The following RSPO1 variants were observed in gnomAD, a reference collection of about 807,000 sequenced individuals.
RSPO1 encodes the protein R-spondin-1.
RSPO1 carries 18 observed loss-of-function variants against 26.0 expected under a neutral mutation model. The observed-to-expected ratio is 0.69, with a 90% CI of 0.48 to 1.03. RSPO1 has a LOEUF of 1.03. RSPO1 is among the 50% of genes least tolerant of loss of function. RSPO1 has a pLI of 0.00. For synonymous variants in RSPO1, 133 were observed against 137.4 expected, an observed-to-expected ratio of 0.97 and a Z score of 0.22; for missense variants, 309 against 352.3, an observed-to-expected ratio of 0.88 and a Z score of 0.98.
chr1:37,621,374 G>A (rs112998422), intron 3 of RSPO1, among the ~76,000 whole-genome samples: 11,439 of 152,200 alleles, frequency 0.075, 506 homozygotes, highest in East Asian at 0.15. Context: ...TGGATTTTCC[G>A]AGGGCAAGAG....
intron 2 of RSPO1, among the ~76,000 whole-genome samples, chr1:37,630,279 C>T (rs1644338640): frequency 6.6e-6 from 1 of 152,186 alleles, no homozygotes; most frequent in Admixed American, 6.5e-5. Flanking sequence ...CTTAAGTCTA[C>T]CCTACAGACC....
In RSPO1 at chr1:37,613,855, G is replaced by A. The variant is rs779952336; in HGVS notation, c.474C>T (p.Pro158=). Residue 158 remains proline, a synonymous_variant, in exon 6 of 7, where the codon CCC becomes CCT. Coordinates refer to ENST00000356545, the MANE Select transcript of RSPO1 (RefSeq NM_001242908.2). This position sits in a 1 kb window ranked among gnomAD's most constrained non-coding sequence, Gnocchi z 4.5. The part of the protein sequence containing the change: ...CEMSEWSPWG[P]CSKKQQLCGF... Reference sequence around the variant, plus strand: ...CACAGAGCTGCTGCTTCTTGGAGCAGGGCCCCCACGGAGACCACTCGCTCA... The same window carrying A: ...CACAGAGCTGCTGCTTCTTGGAGCAAGGCCCCCACGGAGACCACTCGCTCA... 6.2e-7 allele frequency: 1 copy of A among 1,614,108 alleles called. No individual in the cohort carries two copies. The highest frequency in any genetic ancestry group is 1.7e-5 in the Admixed American group (1 of 60,030).
chr1:37,626,740 C>G (rs1443294843), intron 3 of RSPO1, among the ~76,000 whole-genome samples: 3 of 151,854 alleles, frequency 2.0e-5, no homozygotes, highest in Non-Finnish European at 4.4e-5. Flanking sequence ...AGTCAGGGCT[C>G]AATGAAGGAA....
intron 2 of RSPO1, among the ~76,000 whole-genome samples, chr1:37,631,104 C>G (rs1182605707): frequency 1.3e-5 from 2 of 152,140 alleles, no homozygotes; most frequent in African/African-American, 4.8e-5. Flanking sequence ...AATCCTTTCC[C>G]CTCTAGGCTC....
Position 37,629,615 on chromosome 1 carries a change from T to C in RSPO1, c.47A>G (p.His16Arg), listed in dbSNP as rs754575524. 6.2e-7 allele frequency: 1 copy of C among 1,614,088 alleles called. No homozygotes were observed. Among genetic ancestry groups the C allele is most frequent in the Non-Finnish European group, 8.5e-7 (1 of 1,180,022 alleles). The change falls in exon 3 of 7, where the codon CAC becomes CGC. Residue 16 changes from histidine (H) to arginine (R), a missense_variant. Coordinates refer to ENST00000356545, the MANE Select transcript of RSPO1 (RefSeq NM_001242908.2). Reference sequence around the variant, plus strand: ...GATCCCCCGGCTGCTGATGGTGAGGTGCGTCCAGCTCAGAACCAGGGCCAC... The same window carrying C: ...GATCCCCCGGCTGCTGATGGTGAGGCGCGTCCAGCTCAGAACCAGGGCCAC... ...CVVALVLSWT[H>R]LTISSRGIKG...
Position 37,612,737 on chromosome 1 carries a change from G to A in RSPO1, c.*18C>T. 3 of 1,607,798 alleles carry A rather than the reference G, an allele frequency of 1.9e-6. No individual in the cohort carries two copies. Among genetic ancestry groups the A allele is most frequent in the Non-Finnish European group, 2.5e-6 (3 of 1,179,768 alleles). On this transcript the variant is annotated 3_prime_UTR_variant, in exon 7 of 7. Transcript: ENST00000356545. ...CACTGAACTCTTTCTGCATGGGCCT[G>A]GAGGCTGGACAGTGTCCCTAGGCAG... is the stretch of plus-strand genomic sequence containing the variant.
rs1308031977 is a variant in RSPO1 at position 37,617,688 on chromosome 1, A to AG, written c.95-1014_95-1013insC. 2.9e-3 allele frequency among the ~76,000 whole-genome samples: 402 copies of AG among 136,420 alleles called. 21 individuals carry two copies. The highest frequency in any genetic ancestry group is 5.8e-3 in the East Asian group (26 of 4,472). 89.5% of individuals were successfully genotyped at this position (136,420 alleles called of 152,430 possible). A position where few individuals can be genotyped will look rare whatever the true frequency, so the allele number is the denominator to read the frequency against. Reference sequence around the variant, plus strand: ...AAAAAAAAAAAAAAAAAAAAAAAAAAAGAGAGAACCATCTTTTGAGGCTTC... The same window carrying AG: ...AAAAAAAAAAAAAAAAAAAAAAAAAAGAGAGAGAACCATCTTTTGAGGCTTC... On this transcript the variant is annotated intron_variant, in intron 3 of 6. Transcript: ENST00000356545.
At chr1:37,627,775 A>G (rs765382855) in intron 3 of RSPO1, among the ~76,000 whole-genome samples, 4 of 152,348 alleles carry the variant, frequency 2.6e-5, no homozygotes, top group Non-Finnish European at 5.9e-5. Flanking sequence ...TGCGATGACT[A>G]TGGCTATTAC....
intron 3 of RSPO1, 96 bp from the exon 4 acceptor site, chr1:37,616,771 C>T: frequency 1.7e-6 from 2 of 1,178,756 alleles, no homozygotes; most frequent in East Asian, 2.4e-5. Flanking sequence ...TCGATGTTTC[C>T]TTCCACAGAA....
chr1:37,616,775 C>T, intron 3 of RSPO1, 100 bp from the exon 4 acceptor site: 1 of 1,130,756 alleles, frequency 8.8e-7, no homozygotes. Context: ...TGTTTCCTTC[C>T]ACAGAAGGAA....
Position 37,629,868 on chromosome 1 carries a change from G to A in RSPO1, c.-207C>T. On this transcript the variant is annotated 5_prime_UTR_variant, in exon 3 of 7. Transcript: ENST00000356545. ...ATCAGCTCAAAGGGAGGTCCTCAAA[G>A]AGAGACTTCCTCAAAGATACCTCGG... 1 of 1,550,614 alleles carries A rather than the reference G, an allele frequency of 6.4e-7. No individual in the cohort carries two copies. The highest frequency in any genetic ancestry group is 8.7e-7 in the Non-Finnish European group (1 of 1,146,762).
Position 37,629,938 on chromosome 1 carries a change from C to G in RSPO1, c.-277G>C. The G allele has an allele frequency of 7.1e-7, 1 of 1,411,442 alleles. No individual in the cohort carries two copies. Among genetic ancestry groups the G allele is most frequent in the Non-Finnish European group, 9.8e-7 (1 of 1,020,114 alleles). The allele number at this position is 1,411,442 out of a possible 1,614,324, so 87.4% of individuals were successfully genotyped here. A position where few individuals can be genotyped will look rare whatever the true frequency, so the allele number is the denominator to read the frequency against. On this transcript the variant is annotated 5_prime_UTR_variant, in exon 3 of 7. Transcript: ENST00000356545. ...TTTTGTCACGTCAGCAGGGACTACT[C>G]CAAAAACCAACCTGTCAGGGAAGGA... is the stretch of plus-strand genomic sequence containing the variant.
At chr1:37,614,489 G>A (rs1306814130) in intron 4 of RSPO1, among the ~76,000 whole-genome samples, 156 bp from the exon 5 acceptor site, 1 of 152,234 alleles carries the variant, frequency 6.6e-6, no homozygotes, top group Non-Finnish European at 1.5e-5. Context: ...ATCTTGGGAG[G>A]AAAGGGAAAG....
chr1:37,611,480 T>G lies in RSPO1; in HGVS notation c.*1275A>C, dbSNP rs1374548021. The G allele has an allele frequency of 6.6e-6, 1 of 152,248 alleles. No individual in the cohort carries two copies. The highest frequency in any genetic ancestry group is 2.4e-5 in the African/African-American group (1 of 41,454). 9.4% of individuals were successfully genotyped at this position (152,248 alleles called of 1,614,324 possible). A position where few individuals can be genotyped will look rare whatever the true frequency, so the allele number is the denominator to read the frequency against. On this transcript the variant is annotated 3_prime_UTR_variant, in exon 7 of 7. Coordinates refer to ENST00000356545, the MANE Select transcript of RSPO1 (RefSeq NM_001242908.2). ...TGTGTTTGTACAATTCCTTGGTGCA[T>G]GCCTATTTTCTTCCCCACCAACCTC...
rs979583726 is a variant in RSPO1 at position 37,634,010 on chromosome 1, C to T, written c.-356+556G>A. The stretch of plus-strand genomic sequence containing the variant: ...TCCCGGCCCTCCAGGGAGTCCCGGG[C>T]GAACATAGCCCCCACCTCTCCCCAA... On this transcript the variant is annotated intron_variant, in intron 1 of 6. Coordinates refer to ENST00000356545, the MANE Select transcript of RSPO1 (RefSeq NM_001242908.2). This position sits in a 1 kb window ranked among gnomAD's most constrained non-coding sequence, Gnocchi z 4.7. 3.9e-5 allele frequency among the ~76,000 whole-genome samples: 6 copies of T among 152,190 alleles called. No individual in the cohort carries two copies. Among genetic ancestry groups the T allele is most frequent in the African/African-American group, 1.4e-4 (6 of 41,448 alleles).
chr1:37,631,140 T>A (rs1467407825), intron 2 of RSPO1, among the ~76,000 whole-genome samples: 2 of 151,998 alleles, frequency 1.3e-5, no homozygotes, highest in Middle Eastern at 3.2e-3. Flanking sequence ...CCCCCTCGCC[T>A]GTCAGGGAGG....
chr1:37,616,745 A>G (rs534913051), intron 3 of RSPO1, 70 bp from the exon 4 acceptor site: 1 of 1,364,454 alleles, frequency 7.3e-7, no homozygotes, highest in Non-Finnish European at 1.0e-6. Context: ...TCTGACAAGG[A>G]TGGGAAGTGA....
chr1:37,616,524 T>C lies in RSPO1; in HGVS notation c.246A>G (p.Gly82=), dbSNP rs1164988792. ...VGVCLPSCPP[G]YFDARNPDMN... ...TGTCGGGGTTGCGGGCGTCGAAGTATCCAGGTGGGCAGGACGGCAAGCAGA... is the reference window on the plus strand; with the variant it reads ...TGTCGGGGTTGCGGGCGTCGAAGTACCCAGGTGGGCAGGACGGCAAGCAGA... Residue 82 remains glycine (G), a synonymous_variant, in exon 4 of 7, where the codon GGA becomes GGG. Coordinates refer to ENST00000356545, the MANE Select transcript of RSPO1 (RefSeq NM_001242908.2). 1 of 1,614,050 alleles carries C rather than the reference T, an allele frequency of 6.2e-7. No homozygotes were observed. The highest frequency in any genetic ancestry group is 1.3e-5 in the African/African-American group (1 of 74,908).
Position 37,612,506 on chromosome 1 carries a change from G to GTA in RSPO1, c.*248_*249insTA. Reference sequence around the variant, plus strand: ...TGTCTTCTGGTGGCCTCAGGTGTGTGTGTGTGTGTGTGTGTATGTGTGTGT... The same window carrying GTA: ...TGTCTTCTGGTGGCCTCAGGTGTGTGTATGTGTGTGTGTGTGTATGTGTGTGT... On this transcript the variant is annotated 3_prime_UTR_variant, in exon 7 of 7. Transcript: ENST00000356545. The GTA allele has an allele frequency of 1.7e-6, 1 of 581,788 alleles. No homozygotes were observed. The highest frequency in any genetic ancestry group is 3.1e-6 in the Non-Finnish European group (1 of 322,642). The allele number at this position is 581,788 out of a possible 1,614,324, so 36.0% of individuals were successfully genotyped here.
Sources: gnomAD v4.1 joint callset for allele counts (sites outside exome capture counted in the v4.1 genomes callset) on GRCh38, gnomAD v4.1.1 for gene constraint, Gnocchi (gnomAD v3.1) non-coding constraint, MANE v1.5 for transcripts, NCBI Gene and HGNC (gene_info 2026-07-23, HGNC 2026-07-21) for gene names.